The following LDLRAD3 variants were observed in gnomAD, a reference collection of about 807,000 sequenced individuals.
LDLRAD3 encodes the protein low density lipoprotein receptor class A domain containing 3.
Under a neutral mutation model 29.4 loss-of-function variants are expected in LDLRAD3, and 20 were observed. The ratio of observed to expected loss-of-function variants is 0.68; its 90% CI spans 0.48 to 0.99. LDLRAD3 has a LOEUF of 0.99. Ranked by LOEUF, LDLRAD3 falls within the 50% of genes least tolerant of loss-of-function variation. The pLI, the probability that LDLRAD3 is intolerant of heterozygous loss-of-function variation, is 0.00. For missense variants in LDLRAD3, 420 were observed against 454.3 expected (o/e 0.92, Z 0.69); for synonymous variants, 157 against 192.7 (o/e 0.81, Z 1.53).
At chr11:36,158,999 T>C (rs1854395480) in intron 4 of LDLRAD3, among the ~76,000 whole-genome samples, 1 of 152,220 alleles carries the variant, frequency 6.6e-6, no homozygotes, top group South Asian at 2.1e-4. Context: ...GCTGCCCTAC[T>C]GTGCAAGAGA....
intron 5 of LDLRAD3, among the ~76,000 whole-genome samples, chr11:36,228,669 T>A (rs1047484852): frequency 9.8e-5 from 15 of 152,354 alleles, no homozygotes; most frequent in African/African-American, 3.6e-4. Context: ...TCTGTTAAAT[T>A]CATTCCTTTT....
chr11:36,205,469 G>T (rs1186546758), intron 4 of LDLRAD3, among the ~76,000 whole-genome samples: 3 of 152,196 alleles, frequency 2.0e-5, no homozygotes, highest in African/African-American at 4.8e-5. Context: ...ATTGATAATG[G>T]TGGAGATGCC....
chr11:36,066,340 G>A (rs1225787196), intron 2 of LDLRAD3, among the ~76,000 whole-genome samples: 1 of 152,018 alleles, frequency 6.6e-6, no homozygotes, highest in African/African-American at 2.4e-5. Context: ...TGGATCCACT[G>A]TCAGGAAGTT....
At chr11:35,967,849 C>A in intron 1 of LDLRAD3, 1 of 415,040 alleles carries the variant, frequency 2.4e-6, no homozygotes, top group South Asian at 1.8e-5. Flanking sequence ...TCTGAATGAT[C>A]ATATGGTTAT....
chr11:36,183,325 G>GC (rs55772469), intron 4 of LDLRAD3, among the ~76,000 whole-genome samples: 69,060 of 152,050 alleles, frequency 0.45, 16,351 homozygotes, highest in South Asian at 0.54. Context: ...GTGATTACTT[G>GC]CTTTGTAAAA....
intron 4 of LDLRAD3, among the ~76,000 whole-genome samples, chr11:36,207,988 GT>G (rs144827343): frequency 0.13 from 19,090 of 152,132 alleles, 1,323 homozygotes; most frequent in Admixed American, 0.21. Context: ...ATAGATCCTG[GT>G]TATAAATAAA....
chr11:36,221,708 AT>A (rs1214358621), intron 4 of LDLRAD3, among the ~76,000 whole-genome samples: 1 of 152,202 alleles, frequency 6.6e-6, no homozygotes, highest in African/African-American at 2.4e-5. Flanking sequence ...CAGAGTGCTT[AT>A]TTTTTTAATA....
chr11:36,122,539 T>C (rs1388724816), intron 4 of LDLRAD3, among the ~76,000 whole-genome samples: 1 of 152,222 alleles, frequency 6.6e-6, no homozygotes, highest in Admixed American at 6.5e-5. Flanking sequence ...ATTCGTTCTG[T>C]GGTTACTGCA....
intron 4 of LDLRAD3, among the ~76,000 whole-genome samples, chr11:36,216,572 G>A (rs1306372815): frequency 3.3e-5 from 5 of 152,170 alleles, no homozygotes; most frequent in Admixed American, 2.6e-4. Context: ...TAAAGGTGAG[G>A]ATTTTGAGAC....
intron 1 of LDLRAD3, chr11:35,988,936 T>A (rs1851652996): frequency 6.6e-6 from 1 of 152,178 alleles, no homozygotes; most frequent in African/African-American, 2.4e-5. Flanking sequence ...AGGACTTAGC[T>A]ATAAATTCTT....
intron 3 of LDLRAD3, among the ~76,000 whole-genome samples, chr11:36,086,647 T>C (rs1337620304): frequency 2.0e-5 from 3 of 152,178 alleles, no homozygotes; most frequent in African/African-American, 7.2e-5. Context: ...TTTTCTGAGC[T>C]CCTTTCTCTT....
Position 36,190,810 on chromosome 11 carries a change from C to T in LDLRAD3, c.455-36275C>T, listed in dbSNP as rs115046683. On this transcript the variant is annotated intron_variant, in intron 4 of 5. Transcript: ENST00000315571. ...AACATTGGGCAAAAAGAAGATCCTA[C>T]AAGTTTCTAGAGAGGGCATTACAAA... Among the ~76,000 whole-genome samples the T allele has an allele frequency of 8.4e-3, 1,280 of 152,216 alleles. 23 individuals are homozygous for T. Among genetic ancestry groups the T allele is most frequent in the African/African-American group, 0.029 (1,217 of 41,534 alleles).
chr11:36,169,106 G>A (rs1417835430), intron 4 of LDLRAD3, among the ~76,000 whole-genome samples: 1 of 152,132 alleles, frequency 6.6e-6, no homozygotes, highest in African/African-American at 2.4e-5. Flanking sequence ...GCATTAGCTG[G>A]ACCCCTGCTC....
intron 1 of LDLRAD3, among the ~76,000 whole-genome samples, chr11:36,027,484 T>C (rs1041127027): frequency 1.3e-5 from 2 of 152,276 alleles, no homozygotes; most frequent in Non-Finnish European, 2.9e-5. Context: ...TACATTTTAA[T>C]GCAGTTGTAT....
intron 3 of LDLRAD3, among the ~76,000 whole-genome samples, chr11:36,088,204 C>T (rs1163811688): frequency 6.6e-6 from 1 of 151,984 alleles, no homozygotes; most frequent in African/African-American, 2.4e-5. Flanking sequence ...GAGATTTTGC[C>T]CTTTGACTTT....
intron 1 of LDLRAD3, among the ~76,000 whole-genome samples, chr11:35,981,892 T>C (rs1851547236): frequency 6.6e-6 from 1 of 152,174 alleles, no homozygotes; most frequent in Non-Finnish European, 1.5e-5. Context: ...TGCTTTTGGT[T>C]CTTCCACTGA....
At chr11:36,184,188 C>T (rs1854811341) in intron 4 of LDLRAD3, 1 of 159,988 alleles carries the variant, frequency 6.3e-6, no homozygotes, top group Non-Finnish European at 1.4e-5. Flanking sequence ...TGGTCTCAAA[C>T]TCCCGAGCTC....
At chr11:36,003,340 G>C (rs1348617661) in intron 1 of LDLRAD3, among the ~76,000 whole-genome samples, 1 of 152,200 alleles carries the variant, frequency 6.6e-6, no homozygotes, top group Non-Finnish European at 1.5e-5. Context: ...CACTGTGAAT[G>C]GGGTGTGTTG....
intron 2 of LDLRAD3, among the ~76,000 whole-genome samples, chr11:36,038,354 T>C (rs780757563): frequency 6.6e-6 from 1 of 152,174 alleles, no homozygotes; most frequent in Non-Finnish European, 1.5e-5. Flanking sequence ...GTTTTGAGGA[T>C]TTATTAAACA....
Sources: gnomAD v4.1 joint callset for allele counts (sites outside exome capture counted in the v4.1 genomes callset) on GRCh38, gnomAD v4.1.1 for gene constraint, MANE v1.5 for transcripts, NCBI Gene and HGNC (gene_info 2026-07-23, HGNC 2026-07-21) for gene names.